NOSTRIN: variants seen among roughly 807,000 people sequenced by gnomAD.
NOSTRIN encodes nitric oxide synthase trafficking, also known as BM247 homolog.
Under a neutral mutation model 59.0 loss-of-function variants are expected in NOSTRIN, and 63 were observed. The observed-to-expected ratio is 1.07, with a 90% CI of 0.87 to 1.32. The LOEUF (loss-of-function observed/expected upper bound fraction) is 1.32. Among genes scored for constraint, NOSTRIN ranks in the 40% most tolerant of loss-of-function variants. The pLI is 0.00. For synonymous variants in NOSTRIN, 200 were observed against 165.4 expected (o/e 1.21, Z -1.61); for missense variants, 512 against 473.1 (o/e 1.08, Z -0.76).
chr2:168,837,951 T>C (rs578521), intron 7 of NOSTRIN, among the ~76,000 whole-genome samples: 98,708 of 152,038 alleles, frequency 0.65, 33,208 homozygotes, highest in African/African-American at 0.83. Context: ...TCTTTATATA[T>C]TGCAGTTTCT....
chr2:168,838,575 C>G (rs772350886), intron 7 of NOSTRIN, among the ~76,000 whole-genome samples: 24 of 151,982 alleles, frequency 1.6e-4, no homozygotes, highest in Non-Finnish European at 3.2e-4. Flanking sequence ...TTTTGTCTAT[C>G]TCCACTGCTG....
Position 168,855,638 on chromosome 2 carries a change from CAAA to C in NOSTRIN, c.964+192_964+194del. On this transcript the variant is annotated intron_variant, in intron 11 of 15. Transcript: ENST00000317647. ...AAAAAAGTAGAAGAAAAAAGAAAGC[CAAA>C]AAAAAAAAAAAAAGGAAAATCACAT... 463 of 116,166 alleles carry C rather than the reference CAAA, an allele frequency of 4.0e-3. 5 individuals are homozygous for C. Among genetic ancestry groups the C allele is most frequent in the Middle Eastern group, 0.017 (3 of 174 alleles). 7.2% of individuals were successfully genotyped at this position (116,166 alleles called of 1,614,324 possible).
intron 4 of NOSTRIN, 93 bp downstream of exon 4, chr2:168,828,313 T>G (rs1440256048): frequency 1.2e-6 from 1 of 867,358 alleles, no homozygotes; most frequent in Non-Finnish European, 2.0e-6. Flanking sequence ...CAACTTGCAC[T>G]GAATAGGTGT....
intron 7 of NOSTRIN, among the ~76,000 whole-genome samples, chr2:168,837,467 C>A (rs1000768224): frequency 1.3e-5 from 2 of 151,740 alleles, no homozygotes; most frequent in Non-Finnish European, 2.9e-5. Flanking sequence ...CGCCACCACA[C>A]CCAGCTAATT....
chr2:168,814,128 A>G (rs1428760106), intron 2 of NOSTRIN, among the ~76,000 whole-genome samples: 1 of 152,192 alleles, frequency 6.6e-6, no homozygotes, highest in Admixed American at 6.5e-5. Context: ...GGCACATTGT[A>G]TACTTTTAGA....
At chr2:168,797,818 G>C (rs1685526648), upstream of NOSTRIN, among the ~76,000 whole-genome samples, 1 of 151,976 alleles carries the variant, frequency 6.6e-6, no homozygotes, top group Non-Finnish European at 1.5e-5. Context: ...TCTCTACCTT[G>C]TGCCTCTGTT....
intron 10 of NOSTRIN, among the ~76,000 whole-genome samples, chr2:168,852,528 TC>T (rs750480935): frequency 2.2e-4 from 33 of 152,324 alleles, no homozygotes; most frequent in Admixed American, 5.2e-4. Flanking sequence ...TGATAGCGTT[TC>T]CCTGGGTCCT....
intron 2 of NOSTRIN, among the ~76,000 whole-genome samples, chr2:168,820,487 G>A (rs1349866155): frequency 1.3e-5 from 2 of 152,130 alleles, no homozygotes; most frequent in African/African-American, 4.8e-5. Context: ...TTTGTCAGGA[G>A]ACCACTGTCT....
chr2:168,842,275 T>C (rs992941380), intron 7 of NOSTRIN, among the ~76,000 whole-genome samples: 5 of 152,198 alleles, frequency 3.3e-5, no homozygotes, highest in African/African-American at 1.2e-4. Flanking sequence ...AAACTTTTAC[T>C]TCTGAGGCTG....
intron 15 of NOSTRIN, among the ~76,000 whole-genome samples, chr2:168,864,296 T>A: frequency 7.3e-6 from 1 of 136,160 alleles, no homozygotes; most frequent in East Asian, 2.2e-4. Flanking sequence ...TTTTTTTTTT[T>A]CTGAGACAGA....
intron 12 of NOSTRIN, among the ~76,000 whole-genome samples, chr2:168,858,546 C>T (rs897137265): frequency 5.9e-5 from 9 of 152,300 alleles, no homozygotes; most frequent in Middle Eastern, 3.4e-3. Context: ...TAAATACTGT[C>T]TTTAGAGACC....
chr2:168,863,917 A>ATTT (rs556775882), intron 15 of NOSTRIN, among the ~76,000 whole-genome samples: 3 of 147,728 alleles, frequency 2.0e-5, no homozygotes, highest in African/African-American at 7.4e-5. Flanking sequence ...ATCTTTTTTT[A>ATTT]TTTTTTTTTT....
upstream of NOSTRIN, among the ~76,000 whole-genome samples, chr2:168,796,137 T>C (rs16855893): frequency 0.076 from 11,561 of 152,272 alleles, 858 homozygotes; most frequent in East Asian, 0.43. Flanking sequence ...GTGGAAGTGA[T>C]GTCATGTATG....
At chr2:168,863,934 A>G (rs564223619) in intron 15 of NOSTRIN, among the ~76,000 whole-genome samples, 26 of 151,736 alleles carry the variant, frequency 1.7e-4, no homozygotes, top group African/African-American at 5.6e-4. Flanking sequence ...TTTTTGAGGC[A>G]GAGTCTTGCT....
At chr2:168,850,176 G>A (rs13398166) in intron 8 of NOSTRIN, among the ~76,000 whole-genome samples, 2,031 of 151,848 alleles carry the variant, frequency 0.013, 45 homozygotes, top group African/African-American at 0.046. Context: ...GCCTCCCAAC[G>A]TGCTGGGATT....
At chr2:168,826,540 AG>A (rs1340700834) in intron 3 of NOSTRIN, among the ~76,000 whole-genome samples, 7 of 151,998 alleles carry the variant, frequency 4.6e-5, no homozygotes, top group Admixed American at 3.3e-4. Flanking sequence ...CTACTTTAAA[AG>A]ATCAGTTAAG....
intron 2 of NOSTRIN, among the ~76,000 whole-genome samples, chr2:168,791,868 A>G (rs1391923357): frequency 1.3e-5 from 2 of 152,202 alleles, no homozygotes; most frequent in African/African-American, 4.8e-5. Context: ...AGTTCATTAT[A>G]GATTCTGGAT....
upstream of NOSTRIN, among the ~76,000 whole-genome samples, chr2:168,793,602 C>A (rs151172773): frequency 6.9e-3 from 1,050 of 152,184 alleles, 20 homozygotes; most frequent in African/African-American, 0.023. Context: ...CAGAGTGAGA[C>A]CCTGTCTCAA....
At chr2:168,860,986 G>C (rs1689409297) in intron 14 of NOSTRIN, 77 bp downstream of exon 14, 3 of 901,410 alleles carry the variant, frequency 3.3e-6, no homozygotes, top group East Asian at 4.9e-5. Context: ...TTTAGTTTCA[G>C]AGCCACTTTG....
Sources: gnomAD v4.1 joint callset for allele counts (sites outside exome capture counted in the v4.1 genomes callset) on GRCh38, gnomAD v4.1.1 for gene constraint, MANE v1.5 for transcripts, NCBI Gene and HGNC (gene_info 2026-07-23, HGNC 2026-07-21) for gene names.